EMG1: variants seen among roughly 807,000 people sequenced by gnomAD.
The protein encoded by EMG1 is ribosomal RNA small subunit methyltransferase NEP1.
A neutral mutation model predicts 26.9 loss-of-function variants in EMG1; 24 were observed. That is an observed-to-expected ratio of 0.89 (90% CI 0.65 to 1.26). The LOEUF (loss-of-function observed/expected upper bound fraction) is 1.26, where lower values mean the gene tolerates loss of function less well. EMG1 is among the 50% of genes most tolerant of loss of function. The pLI, the probability that EMG1 is intolerant of heterozygous loss-of-function variation, is 0.00. For synonymous variants in EMG1, 140 were observed against 112.6 expected, an observed-to-expected ratio of 1.24 and a Z score of -1.54; for missense variants, 299 against 307.6, an observed-to-expected ratio of 0.97 and a Z score of 0.21.
At chr12:6,981,205 G>C (rs1228789656), downstream of EMG1, 4 of 1,578,082 alleles carry the variant, frequency 2.5e-6, no homozygotes, top group Non-Finnish European at 3.4e-6. Flanking sequence ...GAGAATGCAT[G>C]GTTCAGGATA....
At chr12:6,986,123 T>C (rs1946523549) in intron 6 of EMG1, among the ~76,000 whole-genome samples, 1 of 152,048 alleles carries the variant, frequency 6.6e-6, no homozygotes, top group Non-Finnish European at 1.5e-5. Flanking sequence ...GCTAGGCTCT[T>C]AAATTTATAG....
chr12:6,989,032 A>G (rs1555155130), downstream of EMG1, among the ~76,000 whole-genome samples: 2 of 151,838 alleles, frequency 1.3e-5, no homozygotes, highest in East Asian at 3.9e-4. Flanking sequence ...AGGCTGAGGC[A>G]GAATTGCTTG....
At chr12:6,980,097 G>A (rs1946455142), downstream of EMG1, 1 of 150,040 alleles carries the variant, frequency 6.7e-6, no homozygotes. Flanking sequence ...ACTCCGGCTA[G>A]AGTACAGAGG....
At chr12:6,984,227 T>A (rs782052116), downstream of EMG1, among the ~76,000 whole-genome samples, 3 of 152,346 alleles carry the variant, frequency 2.0e-5, no homozygotes, top group East Asian at 1.9e-4. Flanking sequence ...ACTAAAAAAA[T>A]GTCTTCTAAA....
Position 6,978,266 on chromosome 12 carries a change from T to A in EMG1, c.*2457T>A. The A allele has an allele frequency of 1.3e-6, 2 of 1,501,078 alleles. No individual in the cohort carries two copies. Among genetic ancestry groups the A allele is most frequent in the Non-Finnish European group, 1.8e-6 (2 of 1,109,372 alleles). The allele number at this position is 1,501,078 out of a possible 1,614,324, so 93.0% of individuals were successfully genotyped here. Reference sequence around the variant, plus strand: ...GGAAAGACGCATAGGGGTGACATGGTACACCCCTGCCCTCCAATCTGGGAA... The same window carrying A: ...GGAAAGACGCATAGGGGTGACATGGAACACCCCTGCCCTCCAATCTGGGAA... On this transcript the variant is annotated 3_prime_UTR_variant, in exon 6 of 6. Transcript: ENST00000599672.
intron 7 of EMG1, chr12:6,997,105 T>A (rs1463495014): frequency 6.6e-6 from 1 of 152,246 alleles, no homozygotes; most frequent in African/African-American, 2.4e-5. Context: ...TCTTCAAACC[T>A]TTTTGCTGGC....
rs1555153716 is a variant in EMG1 at position 6,979,072 on chromosome 12, A to T, written c.*3263A>T. 1 of 297,420 alleles carries T rather than the reference A, an allele frequency of 3.4e-6. No homozygotes were observed. Among genetic ancestry groups the T allele is most frequent in the Non-Finnish European group, 6.3e-6 (1 of 159,110 alleles). The allele number at this position is 297,420 out of a possible 1,614,324, so 18.4% of individuals were successfully genotyped here. On this transcript the variant is annotated 3_prime_UTR_variant, in exon 6 of 6. Transcript: ENST00000599672. ...CTGTTTTCAAGCCTTTCAGCTGGGC[A>T]GGAGCAAAAGCCAGCACTTCCCCCC...
rs1555153526 is a variant in EMG1 at position 6,977,907 on chromosome 12, A to G, written c.*2098A>G. Reference sequence around the variant, plus strand: ...GGCAGTGCTGACTGATTACTTTTAGAGATGGAAAGCAGACCCAAGGCGGAG... The same window carrying G: ...GGCAGTGCTGACTGATTACTTTTAGGGATGGAAAGCAGACCCAAGGCGGAG... On this transcript the variant is annotated 3_prime_UTR_variant, in exon 6 of 6. Transcript: ENST00000599672. This position sits in a 1 kb window ranked among gnomAD's most constrained non-coding sequence, Gnocchi z 4.5. 3 of 814,734 alleles carry G rather than the reference A, an allele frequency of 3.7e-6. No individual in the cohort carries two copies. The East Asian group carries it at 7.7e-5, about 21-fold the overall frequency. 50.5% of individuals were successfully genotyped at this position (814,734 alleles called of 1,614,324 possible). A position where few individuals can be genotyped will look rare whatever the true frequency, so the allele number is the denominator to read the frequency against.
At chr12:6,993,204 C>T (rs139449440), downstream of EMG1, among the ~76,000 whole-genome samples, 3 of 151,958 alleles carry the variant, frequency 2.0e-5, no homozygotes, top group Non-Finnish European at 2.9e-5. Flanking sequence ...CTTTGGGAGC[C>T]GGAGGAGGGC....
chr12:6,986,351 TTAA>T (rs1250841077), intron 6 of EMG1, among the ~76,000 whole-genome samples: 3,941 of 152,314 alleles, frequency 0.026, 184 homozygotes, highest in African/African-American at 0.089. Flanking sequence ...TATGATTCTC[TTAA>T]TAACATTTTC....
At position 6,987,427 on chromosome 12, in the gene EMG1, A is replaced by C. The variant is rs868990458; in HGVS notation, c.*155-355A>C. ...ACCCTTTCAGGTAGATCAATGAGCA[A>C]GGAAATAGGATCAAGTCTCATATAT... On this transcript the variant is annotated intron_variant and NMD_transcript_variant, in intron 6 of 7. Transcript: ENST00000261406. The surrounding 1 kb of genome is among the most constrained non-coding windows in gnomAD (Gnocchi z 4.1). Among the ~76,000 whole-genome samples, 2 of 152,238 alleles carry C rather than the reference A, an allele frequency of 1.3e-5. No individual in the cohort carries two copies. The highest frequency in any genetic ancestry group is 4.8e-5 in the African/African-American group (2 of 41,462).
At chr12:6,981,231 A>G, downstream of EMG1, 2 of 1,477,034 alleles carry the variant, frequency 1.4e-6, no homozygotes, top group Non-Finnish European at 1.8e-6. Context: ...GAATCTCCCC[A>G]CAAGAGCCAC....
In EMG1 at chr12:6,972,066, CTTTTTT is replaced by C. The variant is rs11292192; in HGVS notation, c.168+990_168+995del. On this transcript the variant is annotated intron_variant, in intron 1 of 5. Transcript: ENST00000599672. ...GATTTTAATCTTCGTTCTAAATACA[CTTTTTT>C]TTTTTTTTTTTTTTGAGATGGAGTC... Among the ~76,000 whole-genome samples, 354 of 124,694 alleles carry C rather than the reference CTTTTTT, an allele frequency of 2.8e-3. 3 individuals are homozygous for C. The highest frequency in any genetic ancestry group is 0.01 in the African/African-American group (329 of 32,706). The allele number at this position is 124,694 out of a possible 152,430, so 81.8% of individuals were successfully genotyped here. A position where few individuals can be genotyped will look rare whatever the true frequency, so the allele number is the denominator to read the frequency against.
chr12:6,980,933 A>G, downstream of EMG1: 2 of 1,408,184 alleles, frequency 1.4e-6, no homozygotes, highest in Non-Finnish European at 1.9e-6. Context: ...TGGAGAATGC[A>G]GCTTTCAGAA....
At chr12:6,994,755 A>G (rs1330372909) in intron 7 of EMG1, among the ~76,000 whole-genome samples, 5 of 152,168 alleles carry the variant, frequency 3.3e-5, no homozygotes, top group Non-Finnish European at 7.3e-5. Flanking sequence ...GTGCTTGGCC[A>G]ATGTTCACTC....
downstream of EMG1, among the ~76,000 whole-genome samples, chr12:6,980,548 G>A (rs1008216083): frequency 6.6e-6 from 1 of 151,686 alleles, no homozygotes; most frequent in Non-Finnish European, 1.5e-5. Flanking sequence ...TAGAGACAGA[G>A]TCTCTCTATG....
At chr12:6,984,423 A>G (rs1312890157), downstream of EMG1, among the ~76,000 whole-genome samples, 3 of 152,216 alleles carry the variant, frequency 2.0e-5, no homozygotes. Context: ...TCAGTGTTCT[A>G]TCTAGAGGTC....
intron 7 of EMG1, among the ~76,000 whole-genome samples, chr12:6,995,115 T>C (rs1240984238): frequency 9.3e-6 from 1 of 107,464 alleles, no homozygotes; most frequent in Non-Finnish European, 1.9e-5. Flanking sequence ...ATCAGCCTTC[T>C]CTGGGCTTTT....
rs1449132123 is a variant in EMG1 at position 6,974,549 on chromosome 12, CAG to C, written c.271_272del. On this transcript the variant is annotated splice_acceptor_variant, in intron 2 of 5. Coordinates refer to ENST00000599672, the MANE Select transcript of EMG1 (RefSeq NM_006331.8). LOFTEE classifies it high-confidence loss of function. Reference sequence around the variant, plus strand: ...ACCATGTCTCGGTTTCTGCTTTGCTCAGAGTTTGCTGATGCTGATGGATAGTC... The same window carrying C: ...ACCATGTCTCGGTTTCTGCTTTGCTCAGTTTGCTGATGCTGATGGATAGTC... The C allele has an allele frequency of 8.1e-6, 13 of 1,612,988 alleles. No individual in the cohort carries two copies. The highest frequency in any genetic ancestry group is 1.3e-5 in the African/African-American group (1 of 74,894).
Sources: allele counts gnomAD v4.1 joint callset (sites outside exome capture counted in the v4.1 genomes callset), GRCh38; gene constraint gnomAD v4.1.1; non-coding constraint Gnocchi (gnomAD v3.1); transcripts MANE v1.5; gene names NCBI Gene and HGNC (gene_info 2026-07-23, HGNC 2026-07-21).